Variants in IGSF11 observed in about 807,000 individuals in gnomAD.
IGSF11 encodes the protein immunoglobulin superfamily member 11, also known as CXADR like 1.
IGSF11 carries 22 observed loss-of-function variants against 41.0 expected under a neutral mutation model. The ratio of observed to expected loss-of-function variants is 0.54; its 90% CI spans 0.38 to 0.77. The LOEUF (loss-of-function observed/expected upper bound fraction) is 0.77, where lower values mean the gene tolerates loss of function less well. Among genes scored for constraint, IGSF11 ranks in the 30% least tolerant of loss-of-function variants. The pLI, the probability that IGSF11 is intolerant of heterozygous loss-of-function variation, is 0.00. For synonymous variants in IGSF11, 219 were observed against 201.3 expected, an observed-to-expected ratio of 1.09 and a Z score of -0.74; for missense variants, 444 against 530.8, an observed-to-expected ratio of 0.84 and a Z score of 1.61.
rs1258988211 is a variant in IGSF11 at position 119,050,400 on chromosome 3, G to C, written c.49+54744C>G. ...GCCAAAAAACACATGAAAAAATGCT[G>C]ACCATCACTAGCCATCAGAGAAATG... On this transcript the variant is annotated intron_variant, in intron 1 of 6. Coordinates refer to the IGSF11 transcript ENST00000354673. Among the ~76,000 whole-genome samples the C allele has an allele frequency of 5.9e-5, 9 of 152,258 alleles. No homozygotes were observed. In the South Asian group the frequency reaches 8.3e-4, roughly 14 times the overall value.
At chr3:118,917,397 C>T (rs148088313) in intron 4 of IGSF11, among the ~76,000 whole-genome samples, 51,730 of 140,826 alleles carry the variant, frequency 0.37, 12,864 homozygotes, top group African/African-American at 0.7. Flanking sequence ...AAGAATCAAA[C>T]AGACACAATA....
At chr3:119,064,511 C>CTTT (rs779910295) in intron 1 of IGSF11, among the ~76,000 whole-genome samples, 125 of 101,244 alleles carry the variant, frequency 1.2e-3, no homozygotes, top group Non-Finnish European at 1.8e-3. Flanking sequence ...CTTGGCTGCT[C>CTTT]TTTTTTTTTT....
At chr3:119,006,592 G>GT (rs1937517118) in intron 1 of IGSF11, among the ~76,000 whole-genome samples, 2 of 121,910 alleles carry the variant, frequency 1.6e-5, no homozygotes, top group South Asian at 6.3e-4. Context: ...CATCTTTGTG[G>GT]TTTTATCTAC....
chr3:118,951,986 G>C (rs762805666), intron 1 of IGSF11, among the ~76,000 whole-genome samples: 1 of 151,982 alleles, frequency 6.6e-6, no homozygotes, highest in Non-Finnish European at 1.5e-5. Context: ...AGATATTAGA[G>C]ATTTGCTTCC....
chr3:119,143,351 A>G (rs1200098954), intron 1 of IGSF11, among the ~76,000 whole-genome samples: 1 of 152,212 alleles, frequency 6.6e-6, no homozygotes, highest in East Asian at 1.9e-4. Flanking sequence ...CATGTATTAT[A>G]TAACAGCAGG....
chr3:118,939,051 G>A (rs1008256028), intron 1 of IGSF11, among the ~76,000 whole-genome samples: 1 of 152,110 alleles, frequency 6.6e-6, no homozygotes, highest in Non-Finnish European at 1.5e-5. Context: ...TAAAAACACA[G>A]AAGACCTGAA....
At chr3:118,961,495 C>G (rs1019751491) in intron 1 of IGSF11, among the ~76,000 whole-genome samples, 1 of 152,134 alleles carries the variant, frequency 6.6e-6, no homozygotes, top group Non-Finnish European at 1.5e-5. Context: ...AAAATGTTCA[C>G]ATTAACAAAA....
chr3:119,062,565 A>G (rs1426999308), intron 1 of IGSF11, among the ~76,000 whole-genome samples: 1 of 152,214 alleles, frequency 6.6e-6, no homozygotes. Context: ...AGGTTCTAAA[A>G]TGATTGGGGT....
intron 1 of IGSF11, among the ~76,000 whole-genome samples, chr3:119,031,278 A>T (rs73185833): frequency 2.0e-5 from 3 of 151,232 alleles, no homozygotes; most frequent in East Asian, 1.9e-4. Context: ...ATAAATAAAC[A>T]AACTAACTAA....
chr3:119,113,265 G>A (rs2077208730), intron 1 of IGSF11, among the ~76,000 whole-genome samples: 1 of 152,060 alleles, frequency 6.6e-6, no homozygotes, highest in African/African-American at 2.4e-5. Context: ...GTCCCCCAAA[G>A]TCTTAACTCA....
intron 1 of IGSF11, among the ~76,000 whole-genome samples, chr3:118,957,402 A>T (rs895973280): frequency 2.0e-5 from 3 of 152,208 alleles, no homozygotes; most frequent in African/African-American, 7.2e-5. Flanking sequence ...TTAATTATTA[A>T]TTCAATTTCT....
chr3:118,979,060 G>T (rs1011976060), intron 1 of IGSF11, among the ~76,000 whole-genome samples: 3 of 152,030 alleles, frequency 2.0e-5, no homozygotes. Flanking sequence ...ATTCAGATGT[G>T]ACTGGGAAAT....
intron 1 of IGSF11, among the ~76,000 whole-genome samples, chr3:119,053,969 G>C (rs905488692): frequency 6.6e-6 from 1 of 152,154 alleles, no homozygotes; most frequent in Admixed American, 6.5e-5. Context: ...GCCACATGTA[G>C]AAGAATGAAA....
chr3:118,964,498 C>A (rs554524354), intron 1 of IGSF11, among the ~76,000 whole-genome samples: 38 of 152,000 alleles, frequency 2.5e-4, no homozygotes, highest in African/African-American at 8.7e-4. Context: ...CACTTTACAG[C>A]AAATACACAA....
intron 1 of IGSF11, among the ~76,000 whole-genome samples, chr3:119,019,097 C>A (rs752123034): frequency 1.3e-5 from 2 of 152,100 alleles, no homozygotes; most frequent in African/African-American, 2.4e-5. Context: ...TTCAATAAAC[C>A]ATTGCAGTGC....
At chr3:118,935,789 C>CG in intron 1 of IGSF11, among the ~76,000 whole-genome samples, 1 of 152,090 alleles carries the variant, frequency 6.6e-6, no homozygotes, top group Admixed American at 6.5e-5. Context: ...GGGTATCTCA[C>CG]TGGCCATCAG....
intron 1 of IGSF11, among the ~76,000 whole-genome samples, chr3:118,965,306 G>T (rs1945593100): frequency 6.6e-6 from 1 of 152,078 alleles, no homozygotes. Flanking sequence ...GACCCAGTGG[G>T]ATGCCACTCC....
At chr3:119,076,327 A>T (rs921061263) in intron 1 of IGSF11, among the ~76,000 whole-genome samples, 1 of 152,196 alleles carries the variant, frequency 6.6e-6, no homozygotes, top group Non-Finnish European at 1.5e-5. Flanking sequence ...AACCTAGGCA[A>T]TACCATTTAG....
rs573052260 is a variant in IGSF11 at position 119,000,600 on chromosome 3, T to C, written c.52+33931A>G. Among the ~76,000 whole-genome samples the C allele has an allele frequency of 1.5e-4, 23 of 152,236 alleles. No homozygotes were observed. In the East Asian group the frequency reaches 4.0e-3, roughly 27 times the overall value. ...TAGGTTCTCCCATCCAAATATATTT[T>C]GAATCAAACCACTTCTCTTTCATCA... On this transcript the variant is annotated intron_variant, in intron 1 of 6. Transcript: ENST00000393775.
Sources: allele counts gnomAD v4.1 joint callset (sites outside exome capture counted in the v4.1 genomes callset), GRCh38; gene constraint gnomAD v4.1.1; transcripts MANE v1.5; gene names NCBI Gene and HGNC (gene_info 2026-07-23, HGNC 2026-07-21).